The following THADA variants were observed in gnomAD, a reference collection of about 807,000 sequenced individuals.
THADA encodes the protein tRNA (32-2'-O)-methyltransferase regulator THADA.
Under a neutral mutation model 219.8 loss-of-function variants are expected in THADA, and 213 were observed. The ratio of observed to expected loss-of-function variants is 0.97; its 90% CI spans 0.87 to 1.09. The LOEUF is 1.09. Ranked by LOEUF, THADA falls within the 50% of genes least tolerant of loss-of-function variation. THADA has a pLI of 0.00. For missense variants in THADA, 2,956 were observed against 2,311.3 expected, an observed-to-expected ratio of 1.28 and a Z score of -5.72; for synonymous variants, 1,018 against 828.9, an observed-to-expected ratio of 1.23 and a Z score of -3.92.
chr2:43,393,666 C>T (rs1310713643), intron 29 of THADA, among the ~76,000 whole-genome samples: 1 of 150,748 alleles, frequency 6.6e-6, no homozygotes, highest in Non-Finnish European at 1.5e-5. Context: ...CAAGATGGTG[C>T]CACTGCATTC....
At position 43,586,994 on chromosome 2, in the gene THADA, T is replaced by C. The variant is rs1045137088; in HGVS notation, c.311A>G (p.Asn104Ser). Residue 104 changes from asparagine (N) to serine (S), a missense_variant, in exon 5 of 38, where the codon AAT becomes AGT. Coordinates refer to ENST00000405975, the MANE Select transcript of THADA (RefSeq NM_022065.5). ...PLKKVLASSL[N>S]SLPDFFLPEA... ...AGGTAGAAAAAAATCAGGCAGGCTA[T>C]TTAGTGAGCTAGAAAAAGAAACAAA... 3.7e-6 allele frequency: 6 copies of C among 1,612,872 alleles called. No homozygotes were observed. Among genetic ancestry groups the C allele is most frequent in the Middle Eastern group, 1.7e-4 (1 of 6,038 alleles).
intron 23 of THADA, among the ~76,000 whole-genome samples, chr2:43,507,231 A>G (rs1476487513): frequency 6.6e-6 from 1 of 152,246 alleles, no homozygotes; most frequent in Non-Finnish European, 1.5e-5. Context: ...TCAGGGAACC[A>G]CGGCTTTTTT....
chr2:43,512,091 G>A (rs779878823), intron 22 of THADA, among the ~76,000 whole-genome samples: 8 of 152,176 alleles, frequency 5.3e-5, no homozygotes, highest in Non-Finnish European at 8.8e-5. Context: ...GAAAACAGAG[G>A]CCAGAAGAAT....
chr2:43,511,739 A>G (rs1690481870), intron 22 of THADA, among the ~76,000 whole-genome samples: 1 of 152,144 alleles, frequency 6.6e-6, no homozygotes, highest in Non-Finnish European at 1.5e-5. Flanking sequence ...ACTTCCTCCA[A>G]ATACTGCATC....
At chr2:43,292,071 A>G in intron 33 of THADA, 33 bp downstream of exon 33, 1 of 1,443,056 alleles carries the variant, frequency 6.9e-7, no homozygotes. Flanking sequence ...CATACATCTT[A>G]CCAAGGTTGC....
intron 36 of THADA, among the ~76,000 whole-genome samples, chr2:43,259,906 C>G (rs1486446571): frequency 2.0e-5 from 3 of 152,224 alleles, no homozygotes; most frequent in African/African-American, 7.2e-5. Context: ...ATTAAACTCT[C>G]TCTAAAAATG....
intron 31 of THADA, among the ~76,000 whole-genome samples, chr2:43,301,260 C>G (rs1002451569): frequency 6.6e-6 from 1 of 152,194 alleles, no homozygotes; most frequent in African/African-American, 2.4e-5. Context: ...TAGTGAAGAA[C>G]TAGAAAATTC....
rs184161475 is a variant in THADA, at chr2:43,239,156, T to C, written c.5297-6274A>G. ...TTGGTTAATCTGGTGCCTTCCATCC[T>C]TGTGAAGGGATAACTCACTGGGACT... On this transcript the variant is annotated intron_variant, in intron 36 of 37. Transcript: ENST00000405975. 6.6e-5 allele frequency among the ~76,000 whole-genome samples: 10 copies of C among 152,340 alleles called. No individual in the cohort carries two copies. In the East Asian group the frequency reaches 7.7e-4, roughly 12 times the overall value.
chr2:43,283,233 C>A (rs1251448715), intron 35 of THADA, among the ~76,000 whole-genome samples: 1 of 152,146 alleles, frequency 6.6e-6, no homozygotes, highest in Non-Finnish European at 1.5e-5. Context: ...GAACTGTGAG[C>A]CAATTAAACC....
intron 35 of THADA, among the ~76,000 whole-genome samples, chr2:43,284,094 G>A (rs560056664): frequency 5.8e-4 from 89 of 152,274 alleles, no homozygotes; most frequent in African/African-American, 2.1e-3. Context: ...CAGGAGAATC[G>A]CTCAAACCCA....
In THADA at chr2:43,574,825, T is replaced by A; in HGVS notation, c.1240A>T (p.Met414Leu). The A allele has an allele frequency of 6.2e-7, 1 of 1,614,034 alleles. No homozygotes were observed. Among genetic ancestry groups the A allele is most frequent in the Non-Finnish European group, 8.5e-7 (1 of 1,179,886 alleles). Residue 414 changes from methionine to leucine, a missense_variant, in exon 11 of 38, where the codon ATG becomes TTG. Met to Leu is a conservative substitution (Grantham distance 15). Transcript: ENST00000405975. The stretch of plus-strand genomic sequence containing the variant: ...TGCATTTGGAGAAGGTTTTTGAACA[T>A]GATTTTGGTTTGGTGTCTCAGAGCA... ...LDALRHQTKIMFKNLLQMHRL... is the reference protein window; with the variant it reads ...LDALRHQTKILFKNLLQMHRL...
intron 36 of THADA, among the ~76,000 whole-genome samples, chr2:43,236,031 G>C (rs1177467012): frequency 6.6e-6 from 1 of 151,926 alleles, no homozygotes; most frequent in African/African-American, 2.4e-5. Context: ...TGATGGTCTC[G>C]ATCTCCTGAC....
chr2:43,247,727 C>CAAA (rs56687341), intron 36 of THADA, among the ~76,000 whole-genome samples: 15 of 53,364 alleles, frequency 2.8e-4, no homozygotes, highest in East Asian at 1.3e-3. Flanking sequence ...GACTCCGTCT[C>CAAA]AAAAAAAAAA....
chr2:43,243,213 G>A (rs1391992018), intron 36 of THADA, among the ~76,000 whole-genome samples: 1 of 152,118 alleles, frequency 6.6e-6, no homozygotes, highest in Non-Finnish European at 1.5e-5. Flanking sequence ...TTGTCTGTAG[G>A]TGCCTCAACA....
chr2:43,507,948 T>C (rs889076574), intron 23 of THADA, among the ~76,000 whole-genome samples: 14 of 152,216 alleles, frequency 9.2e-5, no homozygotes, highest in African/African-American at 3.4e-4. Context: ...GCAGTGTGTA[T>C]GTTTTCATAT....
intron 26 of THADA, among the ~76,000 whole-genome samples, chr2:43,468,109 T>C (rs1004174777): frequency 1.2e-4 from 18 of 152,230 alleles, no homozygotes; most frequent in Admixed American, 9.8e-4. Context: ...TATGTGGAGA[T>C]CTTTATCCAG....
chr2:43,552,346 A>G lies in THADA; in HGVS notation c.2675-7T>C. The G allele has an allele frequency of 6.3e-7, 1 of 1,582,376 alleles. No homozygotes were observed. On this transcript the variant is annotated splice_polypyrimidine_tract_variant and splice_region_variant and intron_variant, in intron 17 of 37. Coordinates refer to ENST00000405975, the MANE Select transcript of THADA (RefSeq NM_022065.5). ...TCCATCAAGCATTTGATAACTAGAA[A>G]AAGCAAACAGAAAATCAAAGTAATG...
intron 26 of THADA, among the ~76,000 whole-genome samples, chr2:43,478,729 C>T (rs758215676): frequency 6.6e-6 from 1 of 152,170 alleles, no homozygotes; most frequent in Admixed American, 6.5e-5. Context: ...ACTTCGTCCA[C>T]GTAAGAGTCA....
intron 26 of THADA, among the ~76,000 whole-genome samples, chr2:43,450,627 A>T (rs1420461420): frequency 6.6e-6 from 1 of 152,214 alleles, no homozygotes; most frequent in African/African-American, 2.4e-5. Context: ...TAAGTCTCTC[A>T]TTAGTAACTA....
Sources: gnomAD v4.1 joint callset for allele counts (sites outside exome capture counted in the v4.1 genomes callset) on GRCh38, gnomAD v4.1.1 for gene constraint, MANE v1.5 for transcripts, NCBI Gene and HGNC (gene_info 2026-07-23, HGNC 2026-07-21) for gene names.